The following ZNF628 variants were observed in gnomAD, a reference collection of about 807,000 sequenced individuals.
ZNF628 encodes the protein zinc finger protein Zec.
In ZNF628, 3 loss-of-function variants were observed where a neutral mutation model predicts 2.5. The ratio of observed to expected loss-of-function variants is 1.19; its 90% CI spans 0.54 to 3.07. The LOEUF (loss-of-function observed/expected upper bound fraction) is 3.07. ZNF628 is among the 30% of genes most tolerant of loss of function. The pLI is 0.03. For missense variants in ZNF628, 1,610 were observed against 1,517.1 expected (o/e 1.06, Z -1.02); for synonymous variants, 861 against 717.1 (o/e 1.20, Z -3.21).
rs761089331 is a variant in ZNF628 at position 55,482,813 on chromosome 19, C to T, written c.1620C>T (p.Cys540=). 6 of 1,611,058 alleles carry T rather than the reference C, an allele frequency of 3.7e-6. No homozygotes were observed. Among genetic ancestry groups the T allele is most frequent in the South Asian group, 2.2e-5 (2 of 90,860 alleles). ...ACTCTGGCGAGCGGCCCTACGCCTG[C>T]GGGGAGTGTGGCAAGGCCTTCCGCA... The part of the protein sequence containing the change: ...RLHSGERPYA[C]GECGKAFRNT... Residue 540 remains cysteine, a synonymous_variant, in exon 3 of 3, where the codon TGC becomes TGT. Transcript: ENST00000598519.
Position 55,482,899 on chromosome 19 carries a change from G to A in ZNF628, c.1706G>A (p.Gly569Asp). 6.2e-7 allele frequency: 1 copy of A among 1,607,570 alleles called. No homozygotes were observed. Among genetic ancestry groups the A allele is most frequent in the Non-Finnish European group, 8.5e-7 (1 of 1,177,506 alleles). Reference sequence around the variant, plus strand: ...ACTGGCGAGAGGCCCCACGCCTGCGGTGTCTGCGGCAAGAGCTTCGCGCAG... The same window carrying A: ...ACTGGCGAGAGGCCCCACGCCTGCGATGTCTGCGGCAAGAGCTTCGCGCAG... ...VHTGERPHAC[G>D]VCGKSFAQTS... The change falls in exon 3 of 3, where the codon GGT (glycine) becomes GAT (aspartate). Residue 569 changes from glycine (G) to aspartate (D), a missense_variant. Gly to Asp is a moderately conservative substitution (Grantham distance 94, BLOSUM62 -1). Around this residue, in one of 5 missense-constraint regions of ZNF628, gnomAD observed 651 missense variants for 575.6 expected, o/e 1.13. Transcript: ENST00000598519.
chr19:55,481,127 G>A (rs1286479852), intron 2 of ZNF628, 74 bp from the exon 3 acceptor site: 4 of 1,444,426 alleles, frequency 2.8e-6, no homozygotes, highest in Non-Finnish European at 3.6e-6. Flanking sequence ...GTCCCTTAAA[G>A]AGCCCGTGTG....
At position 55,482,347 on chromosome 19, in the gene ZNF628, C is replaced by G; in HGVS notation, c.1154C>G (p.Ala385Gly). The change falls in exon 3 of 3, where the codon GCG becomes GGG. Residue 385 changes from alanine (A) to glycine (G), a missense_variant. By Grantham distance (60) the Ala-to-Gly change is moderately conservative. Coordinates refer to ENST00000598519, the MANE Select transcript of ZNF628 (RefSeq NM_033113.3). ...QHSHGAAGGQ[A>G]FRCGSCDGSF... Reference sequence around the variant, plus strand: ...AGCCACGGGGCTGCCGGCGGGCAAGCGTTCCGCTGCGGCAGCTGCGACGGC... The same window carrying G: ...AGCCACGGGGCTGCCGGCGGGCAAGGGTTCCGCTGCGGCAGCTGCGACGGC... 6.9e-7 allele frequency: 1 copy of G among 1,446,588 alleles called. No individual in the cohort carries two copies. Among genetic ancestry groups the G allele is most frequent in the Non-Finnish European group, 9.1e-7 (1 of 1,104,570 alleles). The allele number at this position is 1,446,588 out of a possible 1,614,324, so 89.6% of individuals were successfully genotyped here.
Position 55,483,070 on chromosome 19 carries a change from T to C in ZNF628, c.1877T>C (p.Ile626Thr), listed in dbSNP as rs752906914. The C allele has an allele frequency of 1.2e-5, 20 of 1,610,308 alleles. No individual in the cohort carries two copies. The highest frequency in any genetic ancestry group is 1.7e-5 in the Non-Finnish European group (20 of 1,179,414). ...GCGGAGCGCCCCTTCACCTGCCCCA[T>C]CTGCGGTCGCGGCTTCGTTATGGCC... ...HSAERPFTCP[I>T]CGRGFVMAAY... is the part of the protein sequence containing the mutation. Residue 626 changes from isoleucine to threonine, a missense_variant, in exon 3 of 3, where the codon ATC becomes ACC. Transcript: ENST00000598519.
rs1327600774 is a variant in ZNF628 at position 55,484,356 on chromosome 19, C to T, written c.3163C>T (p.Leu1055=). The part of the protein sequence containing the change: ...QIVQTLPAVQ[L]VHTF ...TGTCCAGACTCTACCCGCAGTCCAG[C>T]TGGTGCACACGTTTTGAGGAGAGGC... The change falls in exon 3 of 3, where the codon CTG becomes TTG. Residue 1055 remains leucine (L), a synonymous_variant. Coordinates refer to ENST00000598519, the MANE Select transcript of ZNF628 (RefSeq NM_033113.3). 7 of 1,454,620 alleles carry T rather than the reference C, an allele frequency of 4.8e-6. No individual in the cohort carries two copies. In the African/African-American group the frequency reaches 8.6e-5, roughly 18 times the overall value. The allele number at this position is 1,454,620 out of a possible 1,614,324, so 90.1% of individuals were successfully genotyped here.
In ZNF628 at chr19:55,481,933, G is replaced by A. The variant is rs1465687002; in HGVS notation, c.740G>A (p.Gly247Asp). The change falls in exon 3 of 3, where the codon GGC becomes GAC. Residue 247 changes from glycine (G) to aspartate (D), a missense_variant. Transcript: ENST00000598519. ...AAPPPQSREP[G>D]KVFVCDAYLQ... ...CCGCCCCCCCAGTCCCGGGAGCCCG[G>A]CAAGGTCTTCGTGTGCGACGCCTAC... The A allele has an allele frequency of 6.8e-7, 1 of 1,481,168 alleles. No individual in the cohort carries two copies. The highest frequency in any genetic ancestry group is 8.9e-7 in the Non-Finnish European group (1 of 1,122,090). 91.8% of individuals were successfully genotyped at this position (1,481,168 alleles called of 1,614,324 possible).
In ZNF628 at chr19:55,482,337, G is replaced by A; in HGVS notation, c.1144G>A (p.Gly382Ser). Residue 382 changes from glycine to serine, a missense_variant, in exon 3 of 3, where the codon GGC becomes AGC. Physicochemically the swap from Gly to Ser is moderately conservative, Grantham distance 56. Coordinates refer to ENST00000598519, the MANE Select transcript of ZNF628 (RefSeq NM_033113.3). ...SRHQHSHGAAGGQAFRCGSCD... is the reference protein window; with the variant it reads ...SRHQHSHGAASGQAFRCGSCD... ...CCACCAGCACAGCCACGGGGCTGCCGGCGGGCAAGCGTTCCGCTGCGGCAG... is the reference window on the plus strand; with the variant it reads ...CCACCAGCACAGCCACGGGGCTGCCAGCGGGCAAGCGTTCCGCTGCGGCAG... 5 of 1,453,844 alleles carry A rather than the reference G, an allele frequency of 3.4e-6. No individual in the cohort carries two copies. Among genetic ancestry groups the A allele is most frequent in the Non-Finnish European group, 3.6e-6 (4 of 1,108,768 alleles). 90.1% of individuals were successfully genotyped at this position (1,453,844 alleles called of 1,614,324 possible).
intron 1 of ZNF628, among the ~76,000 whole-genome samples, chr19:55,478,883 T>C (rs1599896858): frequency 1.3e-5 from 2 of 150,868 alleles, no homozygotes; most frequent in African/African-American, 4.9e-5. Context: ...ATGGGTGGAG[T>C]AGAAGTTGGG....
intron 1 of ZNF628, among the ~76,000 whole-genome samples, chr19:55,478,502 A>G (rs1204399550): frequency 6.6e-6 from 1 of 152,198 alleles, no homozygotes. Context: ...TAGCAGTAGG[A>G]CAAGTCAGGG....
Position 55,479,815 on chromosome 19 carries a change from A to G in ZNF628, c.-77-19A>G, listed in dbSNP as rs1986654911. ...CAGAATGTGAGAAACTTCGCGTCTG[A>G]TTGCTTTTATTTTCACAGAGGCATG... On this transcript the variant is annotated intron_variant, in intron 1 of 2. Transcript: ENST00000598519. This position sits in a 1 kb window ranked among gnomAD's most constrained non-coding sequence, Gnocchi z 5.1. 1 of 398,528 alleles carries G rather than the reference A, an allele frequency of 2.5e-6. No homozygotes were observed. Among genetic ancestry groups the G allele is most frequent in the South Asian group, 1.3e-4 (1 of 7,848 alleles). The allele number at this position is 398,528 out of a possible 1,614,324, so 24.7% of individuals were successfully genotyped here.
chr19:55,482,390 C>T lies in ZNF628; in HGVS notation c.1197C>T (p.Ala399=). 7.1e-7 allele frequency: 1 copy of T among 1,415,638 alleles called. No homozygotes were observed. The highest frequency in any genetic ancestry group is 9.2e-7 in the Non-Finnish European group (1 of 1,087,982). 87.7% of individuals were successfully genotyped at this position (1,415,638 alleles called of 1,614,324 possible). A position where few individuals can be genotyped will look rare whatever the true frequency, so the allele number is the denominator to read the frequency against. ...GSCDGSFPQL[A]SLLAHQQCHV... is the part of the protein sequence containing the mutation. ...GCGACGGCTCCTTCCCGCAGCTGGCCAGCCTCCTGGCGCATCAGCAGTGCC... is the reference window on the plus strand; with the variant it reads ...GCGACGGCTCCTTCCCGCAGCTGGCTAGCCTCCTGGCGCATCAGCAGTGCC... Residue 399 remains alanine, a synonymous_variant, in exon 3 of 3, where the codon GCC becomes GCT. Coordinates refer to ENST00000598519, the MANE Select transcript of ZNF628 (RefSeq NM_033113.3).
In ZNF628 at chr19:55,483,924, G is replaced by A. The variant is rs1349567991; in HGVS notation, c.2731G>A (p.Asp911Asn). Residue 911 changes from aspartate (D) to asparagine (N), a missense_variant, in exon 3 of 3, where the codon GAT (aspartate) becomes AAT (asparagine). By Grantham distance (23) the Asp-to-Asn change is conservative. This residue lies in a region of ZNF628 where 712 missense variants were observed against 603.6 expected (regional missense o/e 1.18). Coordinates refer to ENST00000598519, the MANE Select transcript of ZNF628 (RefSeq NM_033113.3). ...LTGPGPGEAG[D>N]GEASTGVVQD... Reference sequence around the variant, plus strand: ...TGGCCCGGGCCCCGGGGAGGCGGGGGATGGCGAGGCCAGCACTGGTGTGGT... The same window carrying A: ...TGGCCCGGGCCCCGGGGAGGCGGGGAATGGCGAGGCCAGCACTGGTGTGGT... 3.8e-6 allele frequency: 6 copies of A among 1,579,558 alleles called. No individual in the cohort carries two copies. Among genetic ancestry groups the A allele is most frequent in the Admixed American group, 3.5e-5 (2 of 56,446 alleles).
chr19:55,482,695 A>G lies in ZNF628; in HGVS notation c.1502A>G (p.Gln501Arg). 3.7e-6 allele frequency: 6 copies of G among 1,612,148 alleles called. No homozygotes were observed. The highest frequency in any genetic ancestry group is 5.1e-6 in the Non-Finnish European group (6 of 1,179,346). The change falls in exon 3 of 3, where the codon CAG becomes CGG. Residue 501 changes from glutamine (Q) to arginine (R), a missense_variant. Physicochemically the swap from Gln to Arg is conservative, Grantham distance 43. Around this residue, in one of 5 missense-constraint regions of ZNF628, gnomAD observed 651 missense variants for 575.6 expected, o/e 1.13. Transcript: ENST00000598519. ...FKRSSLLAIH[Q>R]RVHTGLRAFT... ...CGCTCCTCCCTGCTGGCCATCCACCAGCGGGTGCACACGGGCCTGCGGGCC... is the reference window on the plus strand; with the variant it reads ...CGCTCCTCCCTGCTGGCCATCCACCGGCGGGTGCACACGGGCCTGCGGGCC...
At chr19:55,480,205 A>G (rs1362805484) in intron 2 of ZNF628, among the ~76,000 whole-genome samples, 1 of 151,048 alleles carries the variant, frequency 6.6e-6, no homozygotes, top group Admixed American at 6.6e-5. Context: ...TGGTGTTGGG[A>G]AGTAGGTTGT....
At position 55,484,199 on chromosome 19, in the gene ZNF628, C is replaced by T; in HGVS notation, c.3006C>T (p.Ala1002=). The T allele has an allele frequency of 1.9e-6, 3 of 1,547,882 alleles. No individual in the cohort carries two copies. Among genetic ancestry groups the T allele is most frequent in the Non-Finnish European group, 2.6e-6 (3 of 1,146,442 alleles). Residue 1002 remains alanine, a synonymous_variant, in exon 3 of 3, where the codon GCC becomes GCT. Coordinates refer to ENST00000598519, the MANE Select transcript of ZNF628 (RefSeq NM_033113.3). ...GGGTATLQLL[A]PPPSGPASGP... is the part of the protein sequence containing the mutation. Reference sequence around the variant, plus strand: ...GCACCGCCACGCTGCAGCTCCTGGCCCCACCGCCGTCAGGCCCAGCCTCGG... The same window carrying T: ...GCACCGCCACGCTGCAGCTCCTGGCTCCACCGCCGTCAGGCCCAGCCTCGG...
In ZNF628 at chr19:55,479,197, C is replaced by T. The variant is rs1279481566; in HGVS notation, c.-77-637C>T. On this transcript the variant is annotated intron_variant, in intron 1 of 2. Transcript: ENST00000598519. This position sits in a 1 kb window ranked among gnomAD's most constrained non-coding sequence, Gnocchi z 5.1. Reference sequence around the variant, plus strand: ...AGATGGGGTGACAGGTGACGGAGGGCAGTGAGGGAGCGAGGTATCCCGGAG... The same window carrying T: ...AGATGGGGTGACAGGTGACGGAGGGTAGTGAGGGAGCGAGGTATCCCGGAG... Among the ~76,000 whole-genome samples the T allele has an allele frequency of 6.6e-6, 1 of 152,008 alleles. No homozygotes were observed. The highest frequency in any genetic ancestry group is 2.4e-5 in the African/African-American group (1 of 41,380).
At chr19:55,481,047 T>C (rs1235197404) in intron 2 of ZNF628, 154 bp from the exon 3 acceptor site, 2 of 1,033,626 alleles carry the variant, frequency 1.9e-6, no homozygotes, top group East Asian at 5.3e-5. Context: ...CCAAGCAAAC[T>C]GGGACCATTG....
chr19:55,484,475 G>A lies in ZNF628; in HGVS notation c.*102G>A. On this transcript the variant is annotated 3_prime_UTR_variant, in exon 3 of 3. Transcript: ENST00000598519. ...AGGCTGGGCTTGCTAATAAAGACCCGAGTCTCCCCGCCTGTGTTTTGTTTT... is the reference window on the plus strand; with the variant it reads ...AGGCTGGGCTTGCTAATAAAGACCCAAGTCTCCCCGCCTGTGTTTTGTTTT... 6 of 1,037,700 alleles carry A rather than the reference G, an allele frequency of 5.8e-6. No homozygotes were observed. The highest frequency in any genetic ancestry group is 8.0e-6 in the Non-Finnish European group (6 of 748,144). 64.3% of individuals were successfully genotyped at this position (1,037,700 alleles called of 1,614,324 possible).
In ZNF628 at chr19:55,481,639, C is replaced by G; in HGVS notation, c.446C>G (p.Pro149Arg). 6.2e-7 allele frequency: 1 copy of G among 1,607,178 alleles called. No homozygotes were observed. ...LRQHTGERPYPCPDCPKAFKN... is the reference protein window; with the variant it reads ...LRQHTGERPYRCPDCPKAFKN... ...CAGCACACAGGCGAGCGCCCCTACC[C>G]GTGCCCGGACTGCCCCAAGGCCTTC... Residue 149 changes from proline (P) to arginine (R), a missense_variant, in exon 3 of 3, where the codon CCG (proline) becomes CGG (arginine). Coordinates refer to ENST00000598519, the MANE Select transcript of ZNF628 (RefSeq NM_033113.3).
Sources: allele counts gnomAD v4.1 joint callset (sites outside exome capture counted in the v4.1 genomes callset), GRCh38; gene constraint gnomAD v4.1.1; regional missense constraint gnomAD v4.1.1; non-coding constraint Gnocchi (gnomAD v3.1); transcripts MANE v1.5; gene names NCBI Gene and HGNC (gene_info 2026-07-23, HGNC 2026-07-21).